Variants in ADAM11 observed in about 807,000 individuals in gnomAD.
ADAM11 encodes the protein ADAM metallopeptidase domain 11.
Under a neutral mutation model 119.1 loss-of-function variants are expected in ADAM11, and 49 were observed. The observed-to-expected ratio is 0.41, with a 90% CI of 0.33 to 0.52. The LOEUF is 0.52. Ranked by LOEUF, ADAM11 falls within the 20% of genes least tolerant of loss-of-function variation. The pLI, the probability that ADAM11 is intolerant of heterozygous loss-of-function variation, is 0.20. For synonymous variants in ADAM11, 364 were observed against 408.0 expected, an observed-to-expected ratio of 0.89 and a Z score of 1.30; for missense variants, 777 against 1,047.5, an observed-to-expected ratio of 0.74 and a Z score of 3.56.
Position 44,779,859 on chromosome 17 carries a change from G to T in ADAM11, c.*105G>T. The stretch of plus-strand genomic sequence containing the variant: ...GGAGGCACCATGCAAATGTCTTCCA[G>T]GTCCAAACCCTTCAACTCCTGGCTC... On this transcript the variant is annotated 3_prime_UTR_variant, in exon 27 of 27. Transcript: ENST00000200557. 1 of 1,491,098 alleles carries T rather than the reference G, an allele frequency of 6.7e-7. No individual in the cohort carries two copies. The highest frequency in any genetic ancestry group is 1.7e-5 in the Admixed American group (1 of 58,748). The allele number at this position is 1,491,098 out of a possible 1,614,324, so 92.4% of individuals were successfully genotyped here.
At chr17:44,759,354 T>C (rs1405970540) in intron 1 of ADAM11, 94 bp downstream of exon 1, 10 of 1,282,686 alleles carry the variant, frequency 7.8e-6, no homozygotes, top group Non-Finnish European at 6.9e-6. Context: ...CCTGCAGTGC[T>C]CGGGGTGACA....
chr17:44,767,296 A>G (rs942319407), intron 2 of ADAM11, among the ~76,000 whole-genome samples: 2 of 144,286 alleles, frequency 1.4e-5, no homozygotes, highest in Non-Finnish European at 3.0e-5. Flanking sequence ...CAGAGGTTGC[A>G]GTGAGCTGAG....
At chr17:44,764,751 C>G (rs2049427212) in intron 2 of ADAM11, among the ~76,000 whole-genome samples, 1 of 152,132 alleles carries the variant, frequency 6.6e-6, no homozygotes, top group Non-Finnish European at 1.5e-5. Flanking sequence ...CTCATAGTCT[C>G]CACCTCTCAG....
At chr17:44,767,374 A>ATG in intron 2 of ADAM11, among the ~76,000 whole-genome samples, 1 of 151,442 alleles carries the variant, frequency 6.6e-6, no homozygotes, top group Non-Finnish European at 1.5e-5. Flanking sequence ...AAAAAAAAAA[A>ATG]AAAGAACATT....
chr17:44,759,642 G>A (rs1567685681), intron 1 of ADAM11, 80 bp from the exon 2 acceptor site: 13 of 1,306,276 alleles, frequency 1.0e-5, no homozygotes, highest in Non-Finnish European at 1.2e-5. Flanking sequence ...CAGAGTGGGG[G>A]ATGAGGCATG....
In ADAM11 at chr17:44,775,596, G is replaced by A. The variant is rs536716536; in HGVS notation, c.1405G>A (p.Ala469Thr). 1.7e-5 allele frequency: 27 copies of A among 1,579,168 alleles called. 1 individual carries two copies. In the South Asian group the frequency reaches 2.3e-4, roughly 13 times the overall value. Residue 469 changes from alanine to threonine, a missense_variant, in exon 17 of 27, where the codon GCA becomes ACA. Around this residue, in one of 4 missense-constraint regions of ADAM11, gnomAD observed 348 missense variants for 486.7 expected, o/e 0.72. Transcript: ENST00000200557. This position sits in a 1 kb window ranked among gnomAD's most constrained non-coding sequence, Gnocchi z 7.5. ...CCGCGTCCCTCAGGAGTGCAGCCGC[G>A]CAGGTGGCAACTGCTGCAAGAAATG... ...DCGSVQECSRAGGNCCKKCTL... is the reference protein window; with the variant it reads ...DCGSVQECSRTGGNCCKKCTL...
chr17:44,772,819 T>G lies in ADAM11; in HGVS notation c.679-38T>G. ...GCTTGGCCATGAGATCAGTCAGACA[T>G]GGAAGGGACTGATTCCAAGTGCCCA... On this transcript the variant is annotated intron_variant, in intron 8 of 26. Transcript: ENST00000200557. The surrounding 1 kb of genome is among the most constrained non-coding windows in gnomAD (Gnocchi z 4.5). The G allele has an allele frequency of 6.3e-7, 1 of 1,591,958 alleles. No individual in the cohort carries two copies.
At chr17:44,778,713 A>AAG (rs71136047) in intron 25 of ADAM11, among the ~76,000 whole-genome samples, 26,415 of 78,310 alleles carry the variant, frequency 0.34, 7,301 homozygotes, top group East Asian at 0.51. Context: ...AAAAAAAAAA[A>AAG]GAAAGAAAGA....
chr17:44,774,217 G>A lies in ADAM11; in HGVS notation c.993-78G>A, dbSNP rs1312149410. The A allele has an allele frequency of 6.5e-6, 6 of 928,808 alleles. No homozygotes were observed. The African/African-American group carries it at 1.0e-4, about 16-fold the overall frequency. The allele number at this position is 928,808 out of a possible 1,614,324, so 57.5% of individuals were successfully genotyped here. On this transcript the variant is annotated intron_variant, in intron 11 of 26. Coordinates refer to ENST00000200557, the MANE Select transcript of ADAM11 (RefSeq NM_002390.6). ...CTGAGGAAGGACTCTAGTGTGAGGG[G>A]CTCCCCAAGGCCCCACCACCACCCG...
chr17:44,767,329 TG>T (rs1445644368), intron 2 of ADAM11, among the ~76,000 whole-genome samples: 1 of 124,310 alleles, frequency 8.0e-6, no homozygotes, highest in African/African-American at 3.2e-5. Flanking sequence ...CACTACAGCC[TG>T]GGTGATAGAG....
intron 2 of ADAM11, among the ~76,000 whole-genome samples, chr17:44,765,666 G>C (rs899028957): frequency 8.3e-6 from 1 of 120,662 alleles, no homozygotes; most frequent in African/African-American, 3.2e-5. Context: ...TGTTGCCCAG[G>C]CTGGAGTGCA....
chr17:44,771,176 C>T (rs1298943512), intron 4 of ADAM11, among the ~76,000 whole-genome samples: 3 of 151,928 alleles, frequency 2.0e-5, no homozygotes, highest in Admixed American at 6.6e-5. Context: ...TGCCTGTAAT[C>T]CCAGCTACTC....
rs370821656 is a variant in ADAM11, at chr17:44,773,384, C to T, written c.949C>T (p.Arg317Trp). The T allele has an allele frequency of 3.8e-5, 62 of 1,613,944 alleles. No homozygotes were observed. Among genetic ancestry groups the T allele is most frequent in the East Asian group, 1.1e-4 (5 of 44,884 alleles). ...CCTGGCCCGGCTCATGGTCTACCGA[C>T]GGGAGGGTCTGCCTGAGCCCAGTGA... ...ETLARLMVYR[R>W]EGLPEPSDAT... Residue 317 changes from arginine to tryptophan, a missense_variant, in exon 11 of 27, where the codon CGG becomes TGG. By Grantham distance (101) the Arg-to-Trp change is moderately radical. This residue lies in a region of ADAM11 where 147 missense variants were observed against 223.3 expected (regional missense o/e 0.66). Coordinates refer to ENST00000200557, the MANE Select transcript of ADAM11 (RefSeq NM_002390.6). The surrounding 1 kb of genome is among the most constrained non-coding windows in gnomAD (Gnocchi z 4.6).
chr17:44,766,562 G>A (rs913476927), intron 2 of ADAM11, among the ~76,000 whole-genome samples: 4 of 152,112 alleles, frequency 2.6e-5, no homozygotes, highest in East Asian at 1.9e-4. Context: ...CTGCTGTGGC[G>A]ACACGAACTC....
At chr17:44,763,691 T>C (rs2049415393) in intron 2 of ADAM11, among the ~76,000 whole-genome samples, 1 of 151,986 alleles carries the variant, frequency 6.6e-6, no homozygotes, top group African/African-American at 2.4e-5. Context: ...CCACATGCGT[T>C]CTGACTTGCA....
intron 2 of ADAM11, among the ~76,000 whole-genome samples, chr17:44,766,239 G>A (rs2049449066): frequency 6.6e-6 from 1 of 152,170 alleles, no homozygotes; most frequent in Non-Finnish European, 1.5e-5. Context: ...AGCGTGTGAA[G>A]GGCCGTGTCT....
chr17:44,776,630 C>A lies in ADAM11; in HGVS notation c.1567-115C>A. Reference sequence around the variant, plus strand: ...ATCGCTTGTCCTAGGCGTGGAAGAGCCCTGTGGCATGAGCCCCCAATGGGG... The same window carrying A: ...ATCGCTTGTCCTAGGCGTGGAAGAGACCTGTGGCATGAGCCCCCAATGGGG... On this transcript the variant is annotated intron_variant, in intron 18 of 26. Coordinates refer to ENST00000200557, the MANE Select transcript of ADAM11 (RefSeq NM_002390.6). The surrounding 1 kb of genome is among the most constrained non-coding windows in gnomAD (Gnocchi z 5.2). 2 of 1,306,652 alleles carry A rather than the reference C, an allele frequency of 1.5e-6. No homozygotes were observed. The highest frequency in any genetic ancestry group is 2.1e-6 in the Non-Finnish European group (2 of 943,656). The allele number at this position is 1,306,652 out of a possible 1,614,324, so 80.9% of individuals were successfully genotyped here. A position where few individuals can be genotyped will look rare whatever the true frequency, so the allele number is the denominator to read the frequency against.
rs991365797 is a variant in ADAM11 at position 44,780,837 on chromosome 17, T to G, written c.*1083T>G. 1 of 152,918 alleles carries G rather than the reference T, an allele frequency of 6.5e-6. No homozygotes were observed. Among genetic ancestry groups the G allele is most frequent in the Non-Finnish European group, 1.5e-5 (1 of 68,290 alleles). The allele number at this position is 152,918 out of a possible 1,614,324, so 9.5% of individuals were successfully genotyped here. A position where few individuals can be genotyped will look rare whatever the true frequency, so the allele number is the denominator to read the frequency against. On this transcript the variant is annotated 3_prime_UTR_variant, in exon 27 of 27. Transcript: ENST00000200557. ...TGCTAGAAGTCCTTAAGGCCCCATC[T>G]AGTCCATTCCACTCCCTACCCCCAT...
At position 44,772,701 on chromosome 17, in the gene ADAM11, A is replaced by G. The variant is rs991829321; in HGVS notation, c.679-156A>G. On this transcript the variant is annotated intron_variant, in intron 8 of 26. Coordinates refer to ENST00000200557, the MANE Select transcript of ADAM11 (RefSeq NM_002390.6). This position sits in a 1 kb window ranked among gnomAD's most constrained non-coding sequence, Gnocchi z 4.5. The stretch of plus-strand genomic sequence containing the variant: ...CCGAGGCTGCCTGCCCTCATTCCAA[A>G]GCTGAGGAAGGACAGGACCCTCTGC... Among the ~76,000 whole-genome samples, 24 of 152,090 alleles carry G rather than the reference A, an allele frequency of 1.6e-4. No homozygotes were observed.
Sources: gnomAD v4.1 joint callset for allele counts (sites outside exome capture counted in the v4.1 genomes callset) on GRCh38, gnomAD v4.1.1 for gene constraint, gnomAD v4.1.1 regional missense constraint, Gnocchi (gnomAD v3.1) non-coding constraint, MANE v1.5 for transcripts, NCBI Gene and HGNC (gene_info 2026-07-23, HGNC 2026-07-21) for gene names.